HEMK2: variants seen among roughly 807,000 people sequenced by gnomAD.
HEMK2 encodes the protein HemK methyltransferase 2, ETF1 glutamine and histone H4 lysine.
chr21:28,866,175 A>AAAAAAAAACACAC, the HEMK2 span, among the ~76,000 whole-genome samples: 2 of 76,248 alleles, frequency 2.6e-5, no homozygotes, highest in African/African-American at 1.0e-4. Context: ...CAAAAAAAAA[A>AAAAAAAAACACAC]ACACACACAC....
At chr21:28,767,678 T>C in the HEMK2 span, among the ~76,000 whole-genome samples, 14 of 152,240 alleles carry the variant, frequency 9.2e-5, no homozygotes, top group African/African-American at 2.9e-4. Flanking sequence ...GAGAGGAGCA[T>C]ATGAAACAGG....
the HEMK2 span, among the ~76,000 whole-genome samples, chr21:28,638,348 A>T: frequency 1.3e-5 from 2 of 152,126 alleles, no homozygotes; most frequent in African/African-American, 4.8e-5. Flanking sequence ...GAGCAAAGGA[A>T]CTGGAAGGAG....
At chr21:28,691,103 A>T in the HEMK2 span, among the ~76,000 whole-genome samples, 1 of 152,206 alleles carries the variant, frequency 6.6e-6, no homozygotes, top group African/African-American at 2.4e-5. Context: ...TGACATTAGC[A>T]GCTGAATACC....
the HEMK2 span, among the ~76,000 whole-genome samples, chr21:28,666,476 G>T: frequency 6.6e-6 from 1 of 152,172 alleles, no homozygotes; most frequent in East Asian, 1.9e-4. Flanking sequence ...TTCTGGCAAT[G>T]TGGTCTTCTT....
chr21:28,885,331 G>T, the HEMK2 span: 2 of 1,580,720 alleles, frequency 1.3e-6, no homozygotes, highest in East Asian at 4.7e-5. Flanking sequence ...GCGTAGCGAA[G>T]TTCTCCCCTG....
At chr21:28,684,735 C>T in the HEMK2 span, among the ~76,000 whole-genome samples, 1 of 152,208 alleles carries the variant, frequency 6.6e-6, no homozygotes, top group South Asian at 2.1e-4. Context: ...TACTTGGGAA[C>T]TCCAGTGGAC....
At chr21:28,744,430 T>C in the HEMK2 span, among the ~76,000 whole-genome samples, 2 of 152,188 alleles carry the variant, frequency 1.3e-5, no homozygotes, top group Non-Finnish European at 2.9e-5. Flanking sequence ...TCATGGTTAA[T>C]TGCCGAACAC....
the HEMK2 span, among the ~76,000 whole-genome samples, chr21:28,847,976 C>A: frequency 6.6e-6 from 1 of 152,336 alleles, no homozygotes; most frequent in African/African-American, 2.4e-5. Context: ...TTCCATTGGT[C>A]TGTCTGTATG....
the HEMK2 span, chr21:28,879,953 C>T: frequency 5.7e-6 from 9 of 1,585,794 alleles, no homozygotes; most frequent in Non-Finnish European, 7.7e-6. Context: ...AAGCCTTTGA[C>T]CTAAATGTAT....
the HEMK2 span, among the ~76,000 whole-genome samples, chr21:28,612,931 T>C: frequency 6.6e-6 from 1 of 152,142 alleles, no homozygotes; most frequent in Non-Finnish European, 1.5e-5. Context: ...AAAGACATCA[T>C]AGATGACACA....
the HEMK2 span, among the ~76,000 whole-genome samples, chr21:28,780,230 T>C: frequency 6.6e-6 from 1 of 151,888 alleles, no homozygotes; most frequent in South Asian, 2.1e-4. Flanking sequence ...CAGGCTGGAG[T>C]GCATTGGCAC....
chr21:28,747,288 C>T, the HEMK2 span, among the ~76,000 whole-genome samples: 25 of 152,176 alleles, frequency 1.6e-4, no homozygotes, highest in Non-Finnish European at 2.9e-5. Context: ...ATTCTGTCTT[C>T]CTGTTTGACC....
chr21:28,859,230 C>T, the HEMK2 span, among the ~76,000 whole-genome samples: 1 of 152,188 alleles, frequency 6.6e-6, no homozygotes, highest in African/African-American at 2.4e-5. Flanking sequence ...AGTCTCAAAA[C>T]TGTATTTACC....
the HEMK2 span, among the ~76,000 whole-genome samples, chr21:28,791,521 C>T: frequency 6.6e-6 from 1 of 152,130 alleles, no homozygotes; most frequent in African/African-American, 2.4e-5. Context: ...TCAATATTTC[C>T]TCTTCCAACA....
the HEMK2 span, among the ~76,000 whole-genome samples, chr21:28,665,843 C>A: frequency 6.6e-6 from 1 of 152,032 alleles, no homozygotes; most frequent in Non-Finnish European, 1.5e-5. Flanking sequence ...ACCCAAATGT[C>A]CAACAATGAT....
chr21:28,659,572 A>G, the HEMK2 span, among the ~76,000 whole-genome samples: 1 of 152,102 alleles, frequency 6.6e-6, no homozygotes, highest in African/African-American at 2.4e-5. Flanking sequence ...TCCCTTCCAT[A>G]TTCATATACC....
the HEMK2 span, among the ~76,000 whole-genome samples, chr21:28,691,569 C>G: frequency 2.0e-5 from 3 of 152,012 alleles, no homozygotes; most frequent in African/African-American, 7.3e-5. Flanking sequence ...ATATACTGCC[C>G]CCGAGCCTGC....
chr21:28,632,264 G>A, the HEMK2 span, among the ~76,000 whole-genome samples: 2 of 152,204 alleles, frequency 1.3e-5, no homozygotes, highest in Non-Finnish European at 2.9e-5. Flanking sequence ...CAAATTCCCT[G>A]AGAGTCTTAT....
the HEMK2 span, among the ~76,000 whole-genome samples, chr21:28,637,202 G>T: frequency 7.7e-3 from 1,169 of 152,228 alleles, 23 homozygotes; most frequent in African/African-American, 0.027. Flanking sequence ...TGGGCAGAAA[G>T]GGTATGTGTG....
Sources: allele counts gnomAD v4.1 joint callset (sites outside exome capture counted in the v4.1 genomes callset), GRCh38; gene constraint gnomAD v4.1.1; transcripts MANE v1.5; gene names NCBI Gene and HGNC (gene_info 2026-07-23, HGNC 2026-07-21).